Variants in HTR2C observed in about 807,000 individuals in gnomAD.
HTR2C encodes 5-hydroxytryptamine (serotonin) receptor 2C, G protein-coupled.
A neutral mutation model predicts 21.0 loss-of-function variants in HTR2C; 5 were observed. That is an observed-to-expected ratio of 0.24 (90% confidence interval 0.12 to 0.50). HTR2C has a LOEUF of 0.50. Among genes scored for constraint, HTR2C ranks in the 20% least tolerant of loss-of-function variants. The probability of loss-of-function intolerance (pLI) is 0.98; values close to 1 mark genes in which losing one functional copy is unlikely to be tolerated. For missense variants in HTR2C, 271 were observed against 371.2 expected, an observed-to-expected ratio of 0.73 and a Z score of 2.22; for synonymous variants, 150 against 145.3, an observed-to-expected ratio of 1.03 and a Z score of -0.23.
At chrX:114,654,346 G>T (rs1288508248) in intron 2 of HTR2C, among the ~76,000 whole-genome samples, 2 of 107,200 alleles carry the variant, frequency 1.9e-5, no homozygotes, top group African/African-American at 6.7e-5. Flanking sequence ...AAAACTCATG[G>T]TACCTACCTA....
chrX:114,646,815 C>T (rs1341262837), intron 2 of HTR2C, among the ~76,000 whole-genome samples: 6 of 112,059 alleles, frequency 5.4e-5, no homozygotes, highest in Non-Finnish European at 1.1e-4. Context: ...AGTCTTTAAT[C>T]GCCTTTAAGT....
At chrX:114,594,597 A>T (rs1045841671) in intron 1 of HTR2C, among the ~76,000 whole-genome samples, 4 of 111,673 alleles carry the variant, frequency 3.6e-5, no homozygotes, top group African/African-American at 6.5e-5. Flanking sequence ...CATTGGAGAT[A>T]CTTATACTTT....
intron 4 of HTR2C, among the ~76,000 whole-genome samples, chrX:114,767,278 G>A (rs2069956247): frequency 9.0e-6 from 1 of 110,615 alleles, no homozygotes; most frequent in Non-Finnish European, 1.9e-5. Context: ...AGTATACATG[G>A]GATAATTAGA....
At position 114,909,488 on chromosome X, in the gene HTR2C, GTGTT is replaced by G. The variant is rs2071399179; in HGVS notation, c.*2074_*2077del. ...TGCATTCAGATCTGAAGTAGTGTGA[GTGTT>G]AGAAAAAACTGGAAACATCTGATTT... On this transcript the variant is annotated 3_prime_UTR_variant, in exon 6 of 6. Coordinates refer to ENST00000276198, the MANE Select transcript of HTR2C (RefSeq NM_000868.4). 8.9e-6 allele frequency: 1 copy of G among 112,424 alleles called. No individual in the cohort carries two copies. The highest frequency in any genetic ancestry group is 3.7e-4 in the South Asian group (1 of 2,738). The allele number at this position is 112,424 out of a possible 1,213,427, so 9.3% of individuals were successfully genotyped here.
At chrX:114,866,957 A>C (rs868942688) in intron 5 of HTR2C, among the ~76,000 whole-genome samples, 1 of 110,838 alleles carries the variant, frequency 9.0e-6, no homozygotes, top group African/African-American at 3.3e-5. Flanking sequence ...CAATGCTGCA[A>C]AAACATAGAA....
At chrX:114,855,880 A>AT (rs1342706920) in intron 5 of HTR2C, among the ~76,000 whole-genome samples, 2 of 101,547 alleles carry the variant, frequency 2.0e-5, no homozygotes, top group Non-Finnish European at 4.0e-5. Flanking sequence ...ATTCTTTATA[A>AT]TTTTTTTCCA....
At chrX:114,905,591 A>T (rs1377129752) in intron 5 of HTR2C, among the ~76,000 whole-genome samples, 1 of 111,646 alleles carries the variant, frequency 9.0e-6, no homozygotes, top group Non-Finnish European at 1.9e-5. Flanking sequence ...CCAGCCCAGG[A>T]TTCCTAATAA....
chrX:114,904,674 T>A (rs1338989300), intron 5 of HTR2C, among the ~76,000 whole-genome samples: 1 of 111,206 alleles, frequency 9.0e-6, no homozygotes, highest in Non-Finnish European at 1.9e-5. Flanking sequence ...CCTCTAACAT[T>A]TTCTCTTGTA....
At chrX:114,643,419 G>T (rs1287713035) in intron 2 of HTR2C, among the ~76,000 whole-genome samples, 1 of 110,124 alleles carries the variant, frequency 9.1e-6, no homozygotes, top group Non-Finnish European at 1.9e-5. Flanking sequence ...ACTTCTTATT[G>T]CCATAAAGCT....
chrX:114,650,325 C>T (rs1556408280), intron 2 of HTR2C, among the ~76,000 whole-genome samples: 3 of 111,563 alleles, frequency 2.7e-5, no homozygotes, highest in Non-Finnish European at 5.7e-5. Context: ...ACACATCATT[C>T]CATGCTTAAG....
At position 114,692,569 on chromosome X, in the gene HTR2C, T is replaced by A. The variant is rs782277465; in HGVS notation, c.-79-34289T>A. ...CAAGTCAGTATCTGAATATATATATTCTTTACATTTTTTTTTGCCACTACT... is the reference window on the plus strand; with the variant it reads ...CAAGTCAGTATCTGAATATATATATACTTTACATTTTTTTTTGCCACTACT... On this transcript the variant is annotated intron_variant, in intron 2 of 5. Coordinates refer to ENST00000276198, the MANE Select transcript of HTR2C (RefSeq NM_000868.4). Among the ~76,000 whole-genome samples, 171 of 111,054 alleles carry A rather than the reference T, an allele frequency of 1.5e-3. 1 individual carries two copies. The highest frequency in any genetic ancestry group is 5.3e-3 in the African/African-American group (163 of 30,646).
intron 2 of HTR2C, among the ~76,000 whole-genome samples, chrX:114,680,093 CAGAA>C (rs1236690662): frequency 8.9e-6 from 1 of 112,052 alleles, no homozygotes; most frequent in Non-Finnish European, 1.9e-5. Flanking sequence ...ACCAAAATAA[CAGAA>C]AGGAAATTGT....
chrX:114,726,675 A>G (rs782444450), intron 2 of HTR2C, among the ~76,000 whole-genome samples, 183 bp from the exon 3 acceptor site: 4 of 112,567 alleles, frequency 3.6e-5, no homozygotes, highest in Non-Finnish European at 7.5e-5. Flanking sequence ...GATGATAAAT[A>G]ATTGAAAAAT....
At chrX:114,591,152 T>C (rs1927614011) in intron 1 of HTR2C, among the ~76,000 whole-genome samples, 2 of 111,277 alleles carry the variant, frequency 1.8e-5, no homozygotes, top group Admixed American at 9.6e-5. Flanking sequence ...TGTTCTAGCA[T>C]TTTTGGTTGG....
At chrX:114,819,094 T>C (rs1443532368) in intron 4 of HTR2C, among the ~76,000 whole-genome samples, 2 of 111,676 alleles carry the variant, frequency 1.8e-5, no homozygotes, top group Non-Finnish European at 3.8e-5. Flanking sequence ...AATCATTATC[T>C]CCTTCTGCCC....
chrX:114,700,625 G>A (rs1389186354), intron 2 of HTR2C, among the ~76,000 whole-genome samples: 1 of 112,469 alleles, frequency 8.9e-6, no homozygotes, highest in Non-Finnish European at 1.9e-5. Flanking sequence ...CTCCCAGCCT[G>A]AGCAACGCAG....
intron 4 of HTR2C, among the ~76,000 whole-genome samples, chrX:114,792,534 G>T (rs1381043232): frequency 2.7e-5 from 3 of 111,356 alleles, no homozygotes; most frequent in Non-Finnish European, 5.7e-5. Context: ...TGGGCATTTG[G>T]GTTGATCTCA....
intron 5 of HTR2C, chrX:114,900,425 G>C (rs782433017): frequency 8.5e-5 from 20 of 236,534 alleles, no homozygotes; most frequent in Non-Finnish European, 1.5e-4. Context: ...CCCTTGCTTT[G>C]ATGACACATA....
chrX:114,603,790 C>G (rs6655185), intron 1 of HTR2C, among the ~76,000 whole-genome samples: 2 of 61,905 alleles, frequency 3.2e-5, no homozygotes, highest in Non-Finnish European at 5.9e-5. Context: ...GTTTGAGATC[C>G]AGAACAGAAT....
Sources: gnomAD v4.1 joint callset for allele counts (sites outside exome capture counted in the v4.1 genomes callset) on GRCh38, gnomAD v4.1.1 for gene constraint, MANE v1.5 for transcripts, NCBI Gene and HGNC (gene_info 2026-07-23, HGNC 2026-07-21) for gene names.